The following DCDC1 variants were observed in gnomAD, a reference collection of about 807,000 sequenced individuals.
DCDC1 encodes doublecortin domain-containing protein 1.
DCDC1 carries 200 observed loss-of-function variants against 178.3 expected under a neutral mutation model. That is an observed-to-expected ratio of 1.12 (90% confidence interval 1.00 to 1.26). DCDC1 has a LOEUF of 1.26. Among genes scored for constraint, DCDC1 ranks in the 50% most tolerant of loss-of-function variants. The pLI, the probability that DCDC1 is intolerant of heterozygous loss-of-function variation, is 0.00. For missense variants in DCDC1, 1,983 were observed against 1,749.2 expected (o/e 1.13, Z -2.38); for synonymous variants, 690 against 604.8 (o/e 1.14, Z -2.07).
intron 8 of DCDC1, among the ~76,000 whole-genome samples, chr11:31,243,438 CA>C (rs1355222540): frequency 6.6e-6 from 1 of 151,570 alleles, no homozygotes; most frequent in Non-Finnish European, 1.5e-5. Flanking sequence ...ATAAATTGAG[CA>C]GTAGGTGATA....
intron 9 of DCDC1, among the ~76,000 whole-genome samples, chr11:31,186,577 T>C (rs914017477): frequency 6.6e-5 from 10 of 152,170 alleles, no homozygotes; most frequent in African/African-American, 1.7e-4. Context: ...GCCCTGACCA[T>C]GGGCACCACT....
chr11:31,022,249 G>C (rs1364502467), intron 20 of DCDC1, among the ~76,000 whole-genome samples: 1 of 152,086 alleles, frequency 6.6e-6, no homozygotes, highest in Non-Finnish European at 1.5e-5. Flanking sequence ...CTAGTTTCTG[G>C]TGGTTTCCTG....
intron 20 of DCDC1, among the ~76,000 whole-genome samples, chr11:30,999,957 T>G (rs1951480520): frequency 6.6e-6 from 1 of 152,136 alleles, no homozygotes; most frequent in Admixed American, 6.5e-5. Context: ...TGAAGTCAAC[T>G]ATCTCCTTTA....
chr11:31,344,454 T>C (rs1950712850), intron 1 of DCDC1, among the ~76,000 whole-genome samples: 1 of 152,214 alleles, frequency 6.6e-6, no homozygotes, highest in Non-Finnish European at 1.5e-5. Flanking sequence ...GTCTGGACTC[T>C]GGAGCCACAG....
At chr11:30,943,939 T>C (rs1422091591) in intron 21 of DCDC1, 4 of 244,030 alleles carry the variant, frequency 1.6e-5, no homozygotes, top group Non-Finnish European at 3.3e-5. Context: ...TATTTCTATA[T>C]TGTTCATACT....
intron 13 of DCDC1, 126 bp from the exon 14 acceptor site, chr11:31,103,895 A>G: frequency 3.2e-6 from 2 of 627,488 alleles, no homozygotes; most frequent in South Asian, 2.0e-5. Flanking sequence ...TGAGTTTCCT[A>G]TTGTATAGCA....
intron 30 of DCDC1, 43 bp downstream of exon 30, chr11:30,906,497 T>C (rs747483285): frequency 7.1e-6 from 11 of 1,557,390 alleles, no homozygotes; most frequent in Admixed American, 3.8e-5. Flanking sequence ...AGTTTCCAAA[T>C]TGTTGCCATA....
At chr11:31,192,599 G>A (rs1451093746) in intron 9 of DCDC1, among the ~76,000 whole-genome samples, 1 of 152,028 alleles carries the variant, frequency 6.6e-6, no homozygotes, top group Admixed American at 6.6e-5. Context: ...CTGATGATAT[G>A]CATACATACA....
intron 29 of DCDC1, among the ~76,000 whole-genome samples, chr11:30,907,464 A>C (rs1945143863): frequency 6.6e-6 from 1 of 152,200 alleles, no homozygotes; most frequent in African/African-American, 2.4e-5. Context: ...GGGAAAGGCC[A>C]TGTGACTTGC....
intron 9 of DCDC1, among the ~76,000 whole-genome samples, chr11:31,146,320 A>G (rs920604627): frequency 2.6e-5 from 4 of 152,160 alleles, no homozygotes; most frequent in East Asian, 1.9e-4. Flanking sequence ...TCCTGACCTC[A>G]GGTGATCTGC....
Position 31,306,325 on chromosome 11 carries a change from T to G in DCDC1, c.498A>C (p.Arg166Ser), listed in dbSNP as rs1296125138. 17 of 1,610,508 alleles carry G rather than the reference T, an allele frequency of 1.1e-5. No individual in the cohort carries two copies. The highest frequency in any genetic ancestry group is 1.4e-5 in the Non-Finnish European group (17 of 1,178,194). ...TAATCACTCTTGGTTGAAGTTTGTG[T>G]CTTTGAGACAATTTCTGCCAATTCC... ...SARNWQKLSQRHKLQPRVIKV... is the reference protein window; with the variant it reads ...SARNWQKLSQSHKLQPRVIKV... Residue 166 changes from arginine to serine, a missense_variant, in exon 5 of 39, where the codon AGA becomes AGC. Coordinates refer to ENST00000684477, the MANE Select transcript of DCDC1 (RefSeq NM_001387274.1).
intron 7 of DCDC1, among the ~76,000 whole-genome samples, chr11:31,279,719 C>T (rs1032177469): frequency 3.3e-5 from 5 of 152,038 alleles, no homozygotes; most frequent in Non-Finnish European, 7.4e-5. Context: ...GGGAACATCA[C>T]ACACCACAGC....
intron 8 of DCDC1, among the ~76,000 whole-genome samples, chr11:31,242,323 C>T (rs1252768199): frequency 6.6e-6 from 1 of 151,880 alleles, no homozygotes; most frequent in African/African-American, 2.4e-5. Context: ...AGTTGACAAA[C>T]ATGTTTATAC....
chr11:31,006,369 C>T (rs901336325), intron 20 of DCDC1, among the ~76,000 whole-genome samples: 2 of 152,090 alleles, frequency 1.3e-5, no homozygotes, highest in Admixed American at 6.5e-5. Context: ...CTATAGATTC[C>T]CATAGAGAAC....
intron 17 of DCDC1, among the ~76,000 whole-genome samples, chr11:31,090,280 G>GGC (rs1473999138): frequency 1.3e-5 from 2 of 152,120 alleles, no homozygotes; most frequent in Non-Finnish European, 2.9e-5. Context: ...TACCACACTT[G>GGC]GCGCTCACTG....
intron 30 of DCDC1, chr11:30,906,229 C>A: frequency 4.2e-6 from 1 of 238,602 alleles, no homozygotes; most frequent in East Asian, 8.1e-5. Flanking sequence ...AAAGCTGTTC[C>A]ACGAAGTAAA....
chr11:31,154,687 G>T (rs1965539812), intron 9 of DCDC1, among the ~76,000 whole-genome samples: 1 of 152,108 alleles, frequency 6.6e-6, no homozygotes, highest in Non-Finnish European at 1.5e-5. Context: ...CCTGAAGTCT[G>T]GTGCAATATA....
chr11:31,291,599 T>C (rs959310587), intron 6 of DCDC1, among the ~76,000 whole-genome samples: 2 of 152,178 alleles, frequency 1.3e-5, no homozygotes, highest in Middle Eastern at 3.4e-3. Context: ...CCATCAGCAT[T>C]CTTCTCTTTT....
At chr11:31,360,456 CTA>C (rs1554924368) in intron 1 of DCDC1, among the ~76,000 whole-genome samples, 1 of 152,102 alleles carries the variant, frequency 6.6e-6, no homozygotes, top group Non-Finnish European at 1.5e-5. Flanking sequence ...CCTATATATA[CTA>C]TGTTTTTTCC....
Sources: gnomAD v4.1 joint callset for allele counts (sites outside exome capture counted in the v4.1 genomes callset) on GRCh38, gnomAD v4.1.1 for gene constraint, MANE v1.5 for transcripts, NCBI Gene and HGNC (gene_info 2026-07-23, HGNC 2026-07-21) for gene names.